ZNF626: variants seen among roughly 807,000 people sequenced by gnomAD.
ZNF626 encodes the protein CTC-513N18.7.
ZNF626 carries 4 observed loss-of-function variants against 11.7 expected under a neutral mutation model. The ratio of observed to expected loss-of-function variants is 0.34; its 90% confidence interval spans 0.17 to 0.78. The LOEUF is 0.78. ZNF626 is among the 30% of genes least tolerant of loss of function. The pLI, the probability that ZNF626 is intolerant of heterozygous loss-of-function variation, is 0.57. For missense variants in ZNF626, 588 were observed against 587.1 expected, an observed-to-expected ratio of 1.00 and a Z score of -0.01; for synonymous variants, 179 against 198.6, an observed-to-expected ratio of 0.90 and a Z score of 0.83.
Position 20,625,302 on chromosome 19 carries a change from T to C in ZNF626, c.575A>G (p.Lys192Arg). The C allele has an allele frequency of 6.2e-7, 1 of 1,614,004 alleles. No homozygotes were observed. The highest frequency in any genetic ancestry group is 8.5e-7 in the Non-Finnish European group (1 of 1,179,972). ...FKQFSTLTTH[K>R]KIHTGGKPYK... is the part of the protein sequence containing the mutation. ...GGGTTTCCCTCCAGTATGAATTTTC[T>C]TATGTGTAGTAAGAGTTGAGAACTG... The change falls in exon 4 of 4, where the codon AAG becomes AGG. Residue 192 changes from lysine (K) to arginine (R), a missense_variant. This residue lies in a region of ZNF626 where 524 missense variants were observed against 470.1 expected (regional missense o/e 1.11). Coordinates refer to ENST00000601440, the MANE Select transcript of ZNF626 (RefSeq NM_001076675.3).
Position 20,625,633 on chromosome 19 carries a change from C to G in ZNF626, c.244G>C (p.Ala82Pro), listed in dbSNP as rs1555769578. 1 of 1,544,494 alleles carries G rather than the reference C, an allele frequency of 6.5e-7. No individual in the cohort carries two copies. Among genetic ancestry groups the G allele is most frequent in the South Asian group, 1.3e-5 (1 of 77,798 alleles). The change falls in exon 4 of 4, where the codon GCC becomes CCC. Residue 82 changes from alanine (A) to proline (P), a missense_variant. By Grantham distance (27) the Ala-to-Pro change is conservative (BLOSUM62 -1). Around this residue, in one of 4 missense-constraint regions of ZNF626, gnomAD observed 524 missense variants for 470.1 expected, o/e 1.11. Transcript: ENST00000601440. Reference sequence around the variant, plus strand: ...CTCTGCTCTGGCCAAAGGTCTTGGGCAAAATGAGAACACATTACTGAAAGA... The same window carrying G: ...CTCTGCTCTGGCCAAAGGTCTTGGGGAAAATGAGAACACATTACTGAAAGA... ...AKPSVMCSHF[A>P]QDLWPEQSMK...
chr19:20,650,484 T>C (rs1405040680), intron 1 of ZNF626, among the ~76,000 whole-genome samples: 1 of 152,164 alleles, frequency 6.6e-6, no homozygotes, highest in African/African-American at 2.4e-5. Flanking sequence ...CATAATTTAT[T>C]TTTCCCATTT....
At chr19:20,626,740 C>T (rs184800219) in intron 3 of ZNF626, among the ~76,000 whole-genome samples, 55 of 151,970 alleles carry the variant, frequency 3.6e-4, no homozygotes, top group African/African-American at 9.9e-4. Context: ...ATAGGCTGGG[C>T]GCAATGGCTC....
At chr19:20,636,753 G>C (rs1165756843) in intron 3 of ZNF626, among the ~76,000 whole-genome samples, 1 of 152,164 alleles carries the variant, frequency 6.6e-6, no homozygotes, top group Non-Finnish European at 1.5e-5. Context: ...GTGCTCCCTG[G>C]CTCACGCCTG....
At chr19:20,648,899 G>T (rs532683629) in intron 1 of ZNF626, among the ~76,000 whole-genome samples, 1 of 152,254 alleles carries the variant, frequency 6.6e-6, no homozygotes, top group East Asian at 1.9e-4. Context: ...GCTATGATGC[G>T]GAGAATAAGG....
chr19:20,661,486 C>T lies in ZNF626; in HGVS notation c.-40G>A. 6.2e-7 allele frequency: 1 copy of T among 1,611,954 alleles called. No individual in the cohort carries two copies. The highest frequency in any genetic ancestry group is 8.5e-7 in the Non-Finnish European group (1 of 1,178,678). On this transcript the variant is annotated 5_prime_UTR_variant, in exon 1 of 4. Coordinates refer to ENST00000601440, the MANE Select transcript of ZNF626 (RefSeq NM_001076675.3). ...AGGTCCCGGTGTCTTAGCTGTGGATCTCCCAATACCTGCAGGACACGGGGC... is the reference window on the plus strand; with the variant it reads ...AGGTCCCGGTGTCTTAGCTGTGGATTTCCCAATACCTGCAGGACACGGGGC...
At chr19:20,632,054 G>A (rs575624690) in intron 3 of ZNF626, among the ~76,000 whole-genome samples, 1 of 152,238 alleles carries the variant, frequency 6.6e-6, no homozygotes, top group African/African-American at 2.4e-5. Context: ...ATGCAGCTTA[G>A]TTTGGCTGGA....
At chr19:20,658,386 A>G (rs1970228199) in intron 1 of ZNF626, among the ~76,000 whole-genome samples, 1 of 152,134 alleles carries the variant, frequency 6.6e-6, no homozygotes, top group South Asian at 2.1e-4. Context: ...TGCCATGGTG[A>G]AGTTCCTGAG....
At chr19:20,627,260 G>C (rs1415368369) in intron 3 of ZNF626, among the ~76,000 whole-genome samples, 2 of 152,092 alleles carry the variant, frequency 1.3e-5, no homozygotes, top group East Asian at 3.9e-4. Context: ...ACACATACAA[G>C]CAAACCTTCA....
In ZNF626 at chr19:20,625,516, C is replaced by T. The variant is rs370956801; in HGVS notation, c.361G>A (p.Asp121Asn). 1.7e-5 allele frequency: 28 copies of T among 1,613,856 alleles called. No individual in the cohort carries two copies. Among genetic ancestry groups the T allele is most frequent in the Middle Eastern group, 3.3e-4 (2 of 6,082 alleles). Residue 121 changes from aspartate to asparagine, a missense_variant, in exon 4 of 4, where the codon GAT becomes AAT. This residue lies in a region of ZNF626 where 524 missense variants were observed against 470.1 expected (regional missense o/e 1.11). Coordinates refer to ENST00000601440, the MANE Select transcript of ZNF626 (RefSeq NM_001076675.3). Reference sequence around the variant, plus strand: ...CCTTCTTTGTGCACCTTACACTCATCCACACTTATACATCCTTTTTTTAAC... The same window carrying T: ...CCTTCTTTGTGCACCTTACACTCATTCACACTTATACATCCTTTTTTTAAC... The part of the protein sequence containing the change: ...LQLKKGCISV[D>N]ECKVHKEGYN...
intron 1 of ZNF626, among the ~76,000 whole-genome samples, chr19:20,658,816 CCAAT>C (rs1970233340): frequency 6.6e-6 from 1 of 152,104 alleles, no homozygotes. Context: ...ACTGCAGAGG[CCAAT>C]CAAAAACCCC....
chr19:20,635,490 T>G (rs1156265746), intron 3 of ZNF626, among the ~76,000 whole-genome samples: 1 of 152,122 alleles, frequency 6.6e-6, no homozygotes, highest in Non-Finnish European at 1.5e-5. Flanking sequence ...GCCTGGCTAA[T>G]TTTTTGTATT....
chr19:20,643,437 G>A (rs890932374), intron 3 of ZNF626, among the ~76,000 whole-genome samples: 2 of 152,020 alleles, frequency 1.3e-5, no homozygotes, highest in Admixed American at 6.6e-5. Context: ...CTTATAACTA[G>A]TAACTATGTT....
intron 1 of ZNF626, among the ~76,000 whole-genome samples, chr19:20,659,591 C>T (rs1041340132): frequency 3.3e-5 from 5 of 151,932 alleles, no homozygotes; most frequent in Non-Finnish European, 7.4e-5. Context: ...ATCCCTCAGG[C>T]TAGTGAGGGA....
At chr19:20,627,338 G>C (rs1969848721) in intron 3 of ZNF626, among the ~76,000 whole-genome samples, 1 of 151,930 alleles carries the variant, frequency 6.6e-6, no homozygotes. Flanking sequence ...AAGAATTTTT[G>C]TATTCAACTG....
intron 1 of ZNF626, among the ~76,000 whole-genome samples, chr19:20,655,352 T>C (rs537205815): frequency 1.3e-5 from 2 of 152,214 alleles, no homozygotes; most frequent in African/African-American, 2.4e-5. Context: ...TAGTCTTTAT[T>C]ATTCTGTATT....
At chr19:20,625,885 C>T (rs549874229) in intron 3 of ZNF626, among the ~76,000 whole-genome samples, 12 of 152,092 alleles carry the variant, frequency 7.9e-5, no homozygotes, top group East Asian at 3.9e-4. Context: ...ACAATGCAAA[C>T]GGCCAAATAG....
At chr19:20,625,736 C>T (rs775064567) in intron 3 of ZNF626, 86 bp from the exon 4 acceptor site, 20 of 1,346,796 alleles carry the variant, frequency 1.5e-5, no homozygotes, top group Non-Finnish European at 1.8e-5. Context: ...TAGTTTTATA[C>T]AAACTACATA....
At chr19:20,626,590 T>C (rs1325769403) in intron 3 of ZNF626, among the ~76,000 whole-genome samples, 2 of 151,688 alleles carry the variant, frequency 1.3e-5, no homozygotes, top group East Asian at 2.0e-4. Context: ...TGGTGGCATG[T>C]GCCTGTAATC....
Sources: allele counts gnomAD v4.1 joint callset (sites outside exome capture counted in the v4.1 genomes callset), GRCh38; gene constraint gnomAD v4.1.1; regional missense constraint gnomAD v4.1.1; transcripts MANE v1.5; gene names NCBI Gene and HGNC (gene_info 2026-07-23, HGNC 2026-07-21).